Variants in CACNA1C observed in about 807,000 individuals in gnomAD.
CACNA1C encodes voltage-dependent L-type calcium channel subunit alpha-1C.
In CACNA1C, 30 loss-of-function variants were observed where a neutral mutation model predicts 229.0. The ratio of observed to expected loss-of-function variants is 0.13; its 90% CI spans 0.10 to 0.18. The LOEUF is 0.18. CACNA1C is among the 10% of genes least tolerant of loss of function. The probability of loss-of-function intolerance (pLI) is 1.00; values close to 1 mark genes in which losing one functional copy is unlikely to be tolerated. For synonymous variants in CACNA1C, 1,114 were observed against 1,132.5 expected, an observed-to-expected ratio of 0.98 and a Z score of 0.33; for missense variants, 1,658 against 2,845.0, an observed-to-expected ratio of 0.58 and a Z score of 9.49.
intron 5 of CACNA1C, among the ~76,000 whole-genome samples, chr12:2,483,181 C>T (rs1409406680): frequency 9.2e-5 from 14 of 152,144 alleles, no homozygotes; most frequent in African/African-American, 2.9e-4. Flanking sequence ...ATTGGAGGCA[C>T]GAAGCCAGAG....
At chr12:2,103,702 G>C (rs531415143) in intron 1 of CACNA1C, among the ~76,000 whole-genome samples, 1 of 152,220 alleles carries the variant, frequency 6.6e-6, no homozygotes, top group East Asian at 1.9e-4. Context: ...GGGTTTTTAC[G>C]GTTTTAGGTC....
intron 3 of CACNA1C, among the ~76,000 whole-genome samples, chr12:2,196,536 C>T (rs1325873740): frequency 6.6e-6 from 1 of 152,164 alleles, no homozygotes; most frequent in Non-Finnish European, 1.5e-5. Flanking sequence ...TTTAGTTTTC[C>T]AGGCTGGCCT....
At position 2,605,433 on chromosome 12, in the gene CACNA1C, T is replaced by C. The variant is rs2074864879; in HGVS notation, c.3049-246T>C. Among the ~76,000 whole-genome samples, 1 of 152,202 alleles carries C rather than the reference T, an allele frequency of 6.6e-6. No individual in the cohort carries two copies. The highest frequency in any genetic ancestry group is 2.4e-5 in the African/African-American group (1 of 41,456). On this transcript the variant is annotated intron_variant, in intron 23 of 46. Coordinates refer to ENST00000399655, the MANE Select transcript of CACNA1C (RefSeq NM_000719.7). The surrounding 1 kb of genome is among the most constrained non-coding windows in gnomAD (Gnocchi z 6.2). ...TGTGCCCCTGTGGTGCCACCATCCC[T>C]ATATTCCTTCCACTGTAAGATGGGA...
chr12:1,973,803 G>A (rs1463819715), intron 1 of CACNA1C, among the ~76,000 whole-genome samples: 2 of 152,084 alleles, frequency 1.3e-5, no homozygotes, highest in Non-Finnish European at 2.9e-5. Context: ...CTGCTTTGTT[G>A]GCCACTTAAA....
intron 1 of CACNA1C, among the ~76,000 whole-genome samples, chr12:2,109,098 G>T (rs931501121): frequency 5.3e-5 from 8 of 152,172 alleles, no homozygotes; most frequent in African/African-American, 1.7e-4. Flanking sequence ...ATCGATGTGG[G>T]TGTCTGTGTC....
At chr12:2,456,478 T>C (rs1164607694) in intron 4 of CACNA1C, among the ~76,000 whole-genome samples, 1 of 152,160 alleles carries the variant, frequency 6.6e-6, no homozygotes, top group Non-Finnish European at 1.5e-5. Flanking sequence ...GGTTCCCTAT[T>C]TCCTCTCCGA....
intron 1 of CACNA1C, among the ~76,000 whole-genome samples, chr12:1,979,543 C>T (rs1223374238): frequency 6.6e-6 from 1 of 152,184 alleles, no homozygotes; most frequent in Non-Finnish European, 1.5e-5. Context: ...AACTCCTGAC[C>T]TCAAGTGATC....
chr12:2,663,969 T>C (rs2095921621), intron 34 of CACNA1C, among the ~76,000 whole-genome samples: 1 of 151,594 alleles, frequency 6.6e-6, no homozygotes. Flanking sequence ...CTCCATCTCC[T>C]GACCTCGTGA....
chr12:2,492,810 A>G (rs751784889), intron 6 of CACNA1C, among the ~76,000 whole-genome samples: 3 of 152,204 alleles, frequency 2.0e-5, no homozygotes, highest in African/African-American at 7.2e-5. Flanking sequence ...TGGACTTCTA[A>G]TCGCTTTCTG....
intron 3 of CACNA1C, among the ~76,000 whole-genome samples, chr12:2,441,827 C>T (rs2099230614): frequency 6.6e-6 from 1 of 152,172 alleles, no homozygotes; most frequent in Admixed American, 6.5e-5. Flanking sequence ...GCTCCCTGGA[C>T]CCTCTTCAAC....
intron 3 of CACNA1C, among the ~76,000 whole-genome samples, chr12:2,309,989 C>G (rs555511445): frequency 6.6e-6 from 1 of 152,190 alleles, no homozygotes; most frequent in Non-Finnish European, 1.5e-5. Flanking sequence ...TGGTAACACC[C>G]TAGTACTACC....
At chr12:2,552,696 C>T (rs1332929306) in intron 10 of CACNA1C, among the ~76,000 whole-genome samples, 1 of 152,104 alleles carries the variant, frequency 6.6e-6, no homozygotes, top group African/African-American at 2.4e-5. Context: ...GAAAGAAGGG[C>T]TGTGTTGTGT....
At chr12:2,401,301 G>A (rs1011377008) in intron 3 of CACNA1C, among the ~76,000 whole-genome samples, 1 of 152,180 alleles carries the variant, frequency 6.6e-6, no homozygotes, top group African/African-American at 2.4e-5. Flanking sequence ...TGAGTCTGTT[G>A]GGCAGCAGCC....
intron 29 of CACNA1C, among the ~76,000 whole-genome samples, chr12:2,627,582 C>T (rs2087566943): frequency 6.6e-6 from 1 of 152,114 alleles, no homozygotes; most frequent in South Asian, 2.1e-4. Context: ...CCCTGCCTGG[C>T]GCACCTGTGC....
rs566761614 is a variant in CACNA1C, at chr12:2,649,744, C to T, written c.3945+1237C>T. On this transcript the variant is annotated intron_variant, in intron 31 of 46. Transcript: ENST00000399655. The surrounding 1 kb of genome is among the most constrained non-coding windows in gnomAD (Gnocchi z 4.4). Reference sequence around the variant, plus strand: ...GATCCAGATGCCCCTGTGGCACCAACTTCTCAAACTCTTGACACTTGCAGC... The same window carrying T: ...GATCCAGATGCCCCTGTGGCACCAATTTCTCAAACTCTTGACACTTGCAGC... Among the ~76,000 whole-genome samples the T allele has an allele frequency of 4.2e-4, 64 of 152,164 alleles. No individual in the cohort carries two copies. Among genetic ancestry groups the T allele is most frequent in the African/African-American group, 6.7e-4 (28 of 41,526 alleles).
At chr12:2,008,049 T>C (rs1047139799) in intron 1 of CACNA1C, among the ~76,000 whole-genome samples, 5 of 152,230 alleles carry the variant, frequency 3.3e-5, no homozygotes, top group Admixed American at 1.3e-4. Context: ...AAATTGGGCT[T>C]TGAGTTTCTT....
At chr12:2,362,427 T>TC (rs1476713370) in intron 3 of CACNA1C, among the ~76,000 whole-genome samples, 2 of 152,192 alleles carry the variant, frequency 1.3e-5, no homozygotes, top group Non-Finnish European at 2.9e-5. Flanking sequence ...TCCTTCTGAA[T>TC]CCTACATGTT....
intron 34 of CACNA1C, chr12:2,660,749 G>C (rs3794289): frequency 2.6e-5 from 4 of 152,084 alleles, no homozygotes; most frequent in African/African-American, 9.7e-5. Context: ...GCTTGAACCC[G>C]GGAGGTGGAG....
intron 3 of CACNA1C, among the ~76,000 whole-genome samples, chr12:2,322,030 G>A (rs1199455579): frequency 6.6e-6 from 1 of 152,194 alleles, no homozygotes; most frequent in Non-Finnish European, 1.5e-5. Flanking sequence ...GCTCATTATT[G>A]TGTTCAATAG....
Sources: gnomAD v4.1 joint callset for allele counts (sites outside exome capture counted in the v4.1 genomes callset) on GRCh38, gnomAD v4.1.1 for gene constraint, Gnocchi (gnomAD v3.1) non-coding constraint, MANE v1.5 for transcripts, NCBI Gene and HGNC (gene_info 2026-07-23, HGNC 2026-07-21) for gene names.